The following ALDH16A1 variants were observed in gnomAD, a reference collection of about 807,000 sequenced individuals.
ALDH16A1 encodes the protein aldehyde dehydrogenase 16 family member A1, also known as aldehyde dehydrogenase family 16 member A1.
Under a neutral mutation model 96.1 loss-of-function variants are expected in ALDH16A1, and 88 were observed. That is an observed-to-expected ratio of 0.92 (90% CI 0.77 to 1.09). The LOEUF is 1.09. Ranked by LOEUF, ALDH16A1 falls within the 50% of genes least tolerant of loss-of-function variation. The probability of loss-of-function intolerance (pLI) is 0.00; values close to 1 mark genes in which losing one functional copy is unlikely to be tolerated. For missense variants in ALDH16A1, 1,250 were observed against 1,112.6 expected (o/e 1.12, Z -1.76); for synonymous variants, 522 against 496.4 (o/e 1.05, Z -0.69).
In ALDH16A1 at chr19:49,466,329, G is replaced by T. The variant is rs751092832; in HGVS notation, c.1938+46G>T. On this transcript the variant is annotated intron_variant, in intron 14 of 16. Transcript: ENST00000293350. ...TGGGCCAGCTGGGCAGGCGGGGTGG[G>T]GCTCAGACCAGAGGCTGTGAGATAA... is the stretch of plus-strand genomic sequence containing the variant. The T allele has an allele frequency of 2.0e-5, 28 of 1,419,940 alleles. No individual in the cohort carries two copies. The African/African-American group carries it at 3.2e-4, about 16-fold the overall frequency. The allele number at this position is 1,419,940 out of a possible 1,614,324, so 88.0% of individuals were successfully genotyped here.
Position 49,459,190 on chromosome 19 carries a change from C to A in ALDH16A1, c.320+104C>A. 6.7e-7 allele frequency: 1 copy of A among 1,499,492 alleles called. No individual in the cohort carries two copies. The highest frequency in any genetic ancestry group is 8.9e-7 in the Non-Finnish European group (1 of 1,122,184). 92.9% of individuals were successfully genotyped at this position (1,499,492 alleles called of 1,614,324 possible). A position where few individuals can be genotyped will look rare whatever the true frequency, so the allele number is the denominator to read the frequency against. On this transcript the variant is annotated intron_variant, in intron 3 of 16. Transcript: ENST00000293350. This position sits in a 1 kb window ranked among gnomAD's most constrained non-coding sequence, Gnocchi z 4.1. ...CCCAAGATCCCACTGAATTAATTTG[C>A]AGCTAAGGCTCAGATTCCCAGTATG...
rs2079153396 is a variant in ALDH16A1, at chr19:49,461,982, C to G, written c.858C>G (p.Asp286Glu). Residue 286 changes from aspartate to glutamate, a missense_variant, in exon 7 of 17, where the codon GAC (aspartate) becomes GAG (glutamate). By Grantham distance (45) the Asp-to-Glu change is conservative. Transcript: ENST00000293350. ...ESLLLLTDTADVDSAVEGVVD... is the reference protein window; with the variant it reads ...ESLLLLTDTAEVDSAVEGVVD... Reference sequence around the variant, plus strand: ...TGCTGCTGCTGACGGACACGGCGGACGTAGACTCGGCCGTGGAGGGTGTCG... The same window carrying G: ...TGCTGCTGCTGACGGACACGGCGGAGGTAGACTCGGCCGTGGAGGGTGTCG... The G allele has an allele frequency of 2.6e-6, 4 of 1,552,452 alleles. No homozygotes were observed. The highest frequency in any genetic ancestry group is 1.7e-4 in the Middle Eastern group (1 of 5,956).
chr19:49,466,406 C>A, intron 14 of ALDH16A1, 123 bp downstream of exon 14: 2 of 1,066,260 alleles, frequency 1.9e-6, no homozygotes, highest in Non-Finnish European at 2.6e-6. Flanking sequence ...GCAGGATCAT[C>A]AGCAAGTGGC....
rs2079122455 is a variant in ALDH16A1, at chr19:49,459,066, C to A, written c.300C>A (p.Val100=). Reference sequence around the variant, plus strand: ...GCTGGAGTGCGCACCCCGGCGTCGTCCGGGCCCAGCACCTGACCAGGTGAT... The same window carrying A: ...GCTGGAGTGCGCACCCCGGCGTCGTACGGGCCCAGCACCTGACCAGGTGAT... ...FKGWSAHPGV[V]RAQHLTRLAE... The change falls in exon 3 of 17, where the codon GTC becomes GTA. Residue 100 remains valine, a synonymous_variant. Coordinates refer to ENST00000293350, the MANE Select transcript of ALDH16A1 (RefSeq NM_153329.4). This position sits in a 1 kb window ranked among gnomAD's most constrained non-coding sequence, Gnocchi z 4.1. 3 of 1,612,852 alleles carry A rather than the reference C, an allele frequency of 1.9e-6. No individual in the cohort carries two copies. The South Asian group carries it at 3.3e-5, about 18-fold the overall frequency.
intron 1 of ALDH16A1, among the ~76,000 whole-genome samples, chr19:49,457,914 G>C (rs1321586246): frequency 6.6e-6 from 1 of 152,106 alleles, no homozygotes; most frequent in Admixed American, 6.6e-5. Context: ...CAAGGACTCA[G>C]TTGAGACCCT....
In ALDH16A1 at chr19:49,461,741, G is replaced by A; in HGVS notation, c.700G>A (p.Val234Met). 1 of 1,610,336 alleles carries A rather than the reference G, an allele frequency of 6.2e-7. No individual in the cohort carries two copies. Among genetic ancestry groups the A allele is most frequent in the South Asian group, 1.1e-5 (1 of 90,442 alleles). Reference sequence around the variant, plus strand: ...TGTCCTCAGTGGCCCTGCGTCCCTGGTGCCCATCCTGGCCTCCCAGCCTGG... The same window carrying A: ...TGTCCTCAGTGGCCCTGCGTCCCTGATGCCCATCCTGGCCTCCCAGCCTGG... ...LNVLSGPASLVPILASQPGIR... is the reference protein window; with the variant it reads ...LNVLSGPASLMPILASQPGIR... The change falls in exon 6 of 17, where the codon GTG becomes ATG. Residue 234 changes from valine (V) to methionine (M), a missense_variant. Transcript: ENST00000293350.
At chr19:49,466,983 G>T (rs2079204555) in intron 14 of ALDH16A1, among the ~76,000 whole-genome samples, 1 of 152,166 alleles carries the variant, frequency 6.6e-6, no homozygotes, top group African/African-American at 2.4e-5. Flanking sequence ...ACCAGCCTGG[G>T]CAACACAGTG....
At chr19:49,463,487 G>A (rs1233610073) in intron 8 of ALDH16A1, among the ~76,000 whole-genome samples, 10 of 7,006 alleles carry the variant, frequency 1.4e-3, no homozygotes, top group South Asian at 8.1e-3. Flanking sequence ...GAGGGAGGAG[G>A]GGCTGGGGGC....
At position 49,470,782 on chromosome 19, in the gene ALDH16A1, G is replaced by A. The variant is rs1029109692; in HGVS notation, c.*315G>A. On this transcript the variant is annotated 3_prime_UTR_variant, in exon 17 of 17. Coordinates refer to ENST00000293350, the MANE Select transcript of ALDH16A1 (RefSeq NM_153329.4). ...TCATGCCTCAGCCTCATATGTAGCTGGGGCCACAGACATGCACCACCACAC... is the reference window on the plus strand; with the variant it reads ...TCATGCCTCAGCCTCATATGTAGCTAGGGCCACAGACATGCACCACCACAC... The A allele has an allele frequency of 4.3e-5, 10 of 235,128 alleles. No individual in the cohort carries two copies. The highest frequency in any genetic ancestry group is 6.6e-5 in the Non-Finnish European group (8 of 121,196). The allele number at this position is 235,128 out of a possible 1,614,324, so 14.6% of individuals were successfully genotyped here.
rs188268256 is a variant in ALDH16A1, at chr19:49,453,376, C to T, written c.45C>T (p.Thr15=). The T allele has an allele frequency of 1.3e-5, 20 of 1,570,902 alleles. No individual in the cohort carries two copies. The highest frequency in any genetic ancestry group is 9.3e-5 in the East Asian group (4 of 42,828). The change falls in exon 1 of 17, where the codon ACC becomes ACT. Residue 15 remains threonine, a synonymous_variant. Coordinates refer to ENST00000293350, the MANE Select transcript of ALDH16A1 (RefSeq NM_153329.4). ...GGCCCCGCGCCCGCGAGATCTTCAC[C>T]TCGCTGGAGTACGGACCGGTGCCGG... The part of the protein sequence containing the change: ...RAGPRAREIF[T]SLEYGPVPES...
chr19:49,456,210 A>G (rs1372745343), intron 1 of ALDH16A1, among the ~76,000 whole-genome samples: 1 of 152,132 alleles, frequency 6.6e-6, no homozygotes, highest in Non-Finnish European at 1.5e-5. Flanking sequence ...ACCATCATCA[A>G]CATTTATCCC....
chr19:49,461,412 G>A (rs371120097), intron 5 of ALDH16A1, among the ~76,000 whole-genome samples: 50 of 118,912 alleles, frequency 4.2e-4, no homozygotes, highest in Admixed American at 5.0e-4. Flanking sequence ...TGGACTCCTG[G>A]GTCTGAGGGA....
In ALDH16A1 at chr19:49,468,996, G is replaced by C; in HGVS notation, c.2247+10G>C. On this transcript the variant is annotated intron_variant, in intron 16 of 16. Coordinates refer to ENST00000293350, the MANE Select transcript of ALDH16A1 (RefSeq NM_153329.4). This position sits in a 1 kb window ranked among gnomAD's most constrained non-coding sequence, Gnocchi z 4.4. The stretch of plus-strand genomic sequence containing the variant: ...TTTCGGATCAGCCCAGGTGCTCTTT[G>C]TTCTGTTTTGCCATCTTCAGCATCT... 2 of 1,602,832 alleles carry C rather than the reference G, an allele frequency of 1.2e-6. No homozygotes were observed. The highest frequency in any genetic ancestry group is 1.7e-6 in the Non-Finnish European group (2 of 1,172,282).
chr19:49,462,233 GCCT>G (rs200017812), intron 7 of ALDH16A1, among the ~76,000 whole-genome samples, 197 bp downstream of exon 7: 5 of 151,740 alleles, frequency 3.3e-5, no homozygotes, highest in Non-Finnish European at 7.4e-5. Context: ...CCCAGGTTCA[GCCT>G]GGGAGTAGCT....
rs2079121477 is a variant in ALDH16A1 at position 49,458,989 on chromosome 19, C to T, written c.223C>T (p.Gln75Ter). Residue 75 changes from glutamine to a stop codon, truncating the protein, a stop_gained, in exon 3 of 17, where the codon CAG becomes TAG. Coordinates refer to ENST00000293350, the MANE Select transcript of ALDH16A1 (RefSeq NM_153329.4). LOFTEE classifies it high-confidence loss of function. Reference sequence around the variant, plus strand: ...GAACTTGGCCAGTTGCCTGCAGGCACAGGCCGAGGATGTGGCTGCAGCCGT... The same window carrying T: ...GAACTTGGCCAGTTGCCTGCAGGCATAGGCCGAGGATGTGGCTGCAGCCGT... ...GENLASCLQA[Q>*]AEDVAAAVEA... 2 of 1,613,514 alleles carry T rather than the reference C, an allele frequency of 1.2e-6. No individual in the cohort carries two copies. The highest frequency in any genetic ancestry group is 8.5e-7 in the Non-Finnish European group (1 of 1,179,924).
chr19:49,456,315 CAG>C (rs2079104611), intron 1 of ALDH16A1, among the ~76,000 whole-genome samples: 1 of 152,204 alleles, frequency 6.6e-6, no homozygotes, highest in Non-Finnish European at 1.5e-5. Flanking sequence ...TTTCTTCTAA[CAG>C]ATAAGGGCTC....
In ALDH16A1 at chr19:49,466,059, C is replaced by G. The variant is rs896019803; in HGVS notation, c.1737-23C>G. 4.5e-6 allele frequency: 7 copies of G among 1,539,850 alleles called. No individual in the cohort carries two copies. In the Admixed American group the frequency reaches 7.9e-5, roughly 17 times the overall value. ...GAGCCAAGACCAGGATGCCAACCCC[C>G]ACTGTGCGCTGTCTGCCCACAGCTG... On this transcript the variant is annotated intron_variant, in intron 13 of 16. Coordinates refer to ENST00000293350, the MANE Select transcript of ALDH16A1 (RefSeq NM_153329.4).
chr19:49,465,587 G>A (rs904750502), intron 12 of ALDH16A1, 151 bp from the exon 13 acceptor site: 11 of 959,618 alleles, frequency 1.1e-5, no homozygotes, highest in African/African-American at 6.7e-5. Flanking sequence ...GGGAGCAGGA[G>A]TTTTAGGGTC....
chr19:49,466,255 G>A lies in ALDH16A1; in HGVS notation c.1910G>A (p.Arg637Gln), dbSNP rs764558267. Residue 637 changes from arginine to glutamine, a missense_variant, in exon 14 of 17, where the codon CGG becomes CAG. Coordinates refer to ENST00000293350, the MANE Select transcript of ALDH16A1 (RefSeq NM_153329.4). ...SARRLRAWGARVQAQGHTLQV... is the reference protein window; with the variant it reads ...SARRLRAWGAQVQAQGHTLQV... ...AGACGACTTCGGGCGTGGGGGGCCC[G>A]GGTGCAGGCCCAAGGCCACACCCTG... is the stretch of plus-strand genomic sequence containing the variant. The A allele has an allele frequency of 3.0e-5, 45 of 1,476,620 alleles. No individual in the cohort carries two copies. In the Admixed American group the frequency reaches 9.3e-4, roughly 30 times the overall value. 91.5% of individuals were successfully genotyped at this position (1,476,620 alleles called of 1,614,324 possible).
Sources: gnomAD v4.1 joint callset for allele counts (sites outside exome capture counted in the v4.1 genomes callset) on GRCh38, gnomAD v4.1.1 for gene constraint, Gnocchi (gnomAD v3.1) non-coding constraint, MANE v1.5 for transcripts, NCBI Gene and HGNC (gene_info 2026-07-23, HGNC 2026-07-21) for gene names.